PGR: variants seen among roughly 807,000 people sequenced by gnomAD.
PGR encodes progesterone receptor, also known as nuclear receptor subfamily 3 group C member 3.
Under a neutral mutation model 76.1 loss-of-function variants are expected in PGR, and 25 were observed. The observed-to-expected ratio is 0.33, with a 90% CI of 0.24 to 0.46. The LOEUF (loss-of-function observed/expected upper bound fraction) is 0.46. PGR is among the 20% of genes least tolerant of loss of function. The pLI is 1.00. For missense variants in PGR, 1,172 were observed against 1,225.3 expected, an observed-to-expected ratio of 0.96 and a Z score of 0.65; for synonymous variants, 579 against 535.0, an observed-to-expected ratio of 1.08 and a Z score of -1.14.
rs148341114 is a variant in PGR, at chr11:101,057,240, G to A, written c.2212+5207C>T. Reference sequence around the variant, plus strand: ...TCCCAGAGCAAGTGACAAGTAATGCGAATCCTGAAAGATAGTTACAGGTCA... The same window carrying A: ...TCCCAGAGCAAGTGACAAGTAATGCAAATCCTGAAAGATAGTTACAGGTCA... On this transcript the variant is annotated intron_variant, in intron 4 of 7. Transcript: ENST00000325455. 9.9e-5 allele frequency among the ~76,000 whole-genome samples: 15 copies of A among 152,282 alleles called. No homozygotes were observed. The East Asian group carries it at 1.5e-3, about 16-fold the overall frequency.
chr11:101,030,609 G>A lies in PGR; in HGVS notation c.*8507C>T, dbSNP rs976173318. The A allele has an allele frequency of 2.7e-5, 6 of 219,450 alleles. No homozygotes were observed. The highest frequency in any genetic ancestry group is 5.8e-5 in the Admixed American group (1 of 17,198). 13.6% of individuals were successfully genotyped at this position (219,450 alleles called of 1,614,324 possible). ...CTGGTCAGTTGGAGGCAGGCATATT[G>A]CTCTGAGGAGAATTGGAATTGTTAT... On this transcript the variant is annotated 3_prime_UTR_variant, in exon 8 of 8. Coordinates refer to ENST00000325455, the MANE Select transcript of PGR (RefSeq NM_000926.4).
intron 3 of PGR, among the ~76,000 whole-genome samples, chr11:101,072,962 G>C (rs113590262): frequency 2.6e-5 from 4 of 152,180 alleles, no homozygotes; most frequent in African/African-American, 9.6e-5. Flanking sequence ...TCAGGCTCTG[G>C]ACCAAGTGGA....
chr11:101,076,842 T>C (rs1288124908), intron 3 of PGR, among the ~76,000 whole-genome samples: 2 of 149,518 alleles, frequency 1.3e-5, no homozygotes, highest in Non-Finnish European at 3.0e-5. Context: ...TTAATTCTGA[T>C]AAAAGAAGAA....
chr11:101,046,148 C>G (rs1392799529), intron 6 of PGR, among the ~76,000 whole-genome samples: 1 of 150,758 alleles, frequency 6.6e-6, no homozygotes, highest in African/African-American at 2.4e-5. Flanking sequence ...TATTTTGAGA[C>G]ATGGTCTCAC....
chr11:101,050,776 A>C (rs1860057746), intron 5 of PGR, among the ~76,000 whole-genome samples: 2 of 152,190 alleles, frequency 1.3e-5, no homozygotes, highest in Non-Finnish European at 2.9e-5. Context: ...TTCTCCTGAG[A>C]CTCAGTTTTC....
Position 101,103,987 on chromosome 11 carries a change from C to T in PGR, c.1790-12111G>A, listed in dbSNP as rs556688982. ...CTATAAAATAACAGTTTAAAAGTTG[C>T]TTTGAGGGTAAAATAATGTATATAA... On this transcript the variant is annotated intron_variant, in intron 2 of 7. Coordinates refer to ENST00000325455, the MANE Select transcript of PGR (RefSeq NM_000926.4). 6.6e-5 allele frequency among the ~76,000 whole-genome samples: 10 copies of T among 152,242 alleles called. No individual in the cohort carries two copies. In the South Asian group the frequency reaches 1.2e-3, roughly 19 times the overall value.
rs368311150 is a variant in PGR, at chr11:101,053,606, CCCT to C, written c.2213-2041_2213-2039del. Among the ~76,000 whole-genome samples the C allele has an allele frequency of 4.8e-4, 49 of 102,618 alleles. No individual in the cohort carries two copies. In the South Asian group the frequency reaches 0.01, roughly 22 times the overall value. The allele number at this position is 102,618 out of a possible 152,430, so 67.3% of individuals were successfully genotyped here. On this transcript the variant is annotated intron_variant, in intron 4 of 7. Transcript: ENST00000325455. ...TTCTCCCTTTCTTCCCTCCCCTTCT[CCCT>C]CCTTTCTTCCCTCCCCTTCTTCCTC...
intron 2 of PGR, 98 bp from the exon 3 acceptor site, chr11:101,091,974 C>A (rs1861689126): frequency 4.2e-6 from 3 of 721,666 alleles, no homozygotes; most frequent in Admixed American, 2.0e-5. Context: ...TACACATCAG[C>A]AAGTGCATGA....
intron 6 of PGR, among the ~76,000 whole-genome samples, chr11:101,044,938 C>T (rs1859816024): frequency 6.6e-6 from 1 of 152,038 alleles, no homozygotes. Flanking sequence ...AACTCCTCAC[C>T]TCAAGTGATT....
chr11:101,061,172 G>A (rs2135409271), intron 4 of PGR, among the ~76,000 whole-genome samples: 1 of 152,142 alleles, frequency 6.6e-6, no homozygotes, highest in South Asian at 2.1e-4. Flanking sequence ...ATGCTATTGG[G>A]TTATTTTTAT....
intron 3 of PGR, among the ~76,000 whole-genome samples, chr11:101,064,362 A>C (rs1252542076): frequency 9.5e-5 from 14 of 147,492 alleles, no homozygotes; most frequent in East Asian, 3.9e-4. Flanking sequence ...AAAAAAAAAA[A>C]AAAAAAAAAC....
rs937279450 is a variant in PGR at position 101,129,171 on chromosome 11, G to A, written c.-101C>T. ...TATAGGGGCAGAGGGAGGAGAAAGTGGGTGTTGAATGTGGCTGGACCGGAG... is the reference window on the plus strand; with the variant it reads ...TATAGGGGCAGAGGGAGGAGAAAGTAGGTGTTGAATGTGGCTGGACCGGAG... On this transcript the variant is annotated 5_prime_UTR_variant, in exon 1 of 8. Coordinates refer to ENST00000325455, the MANE Select transcript of PGR (RefSeq NM_000926.4). 2.7e-4 allele frequency: 245 copies of A among 895,480 alleles called. No homozygotes were observed. Among genetic ancestry groups the A allele is most frequent in the Non-Finnish European group, 3.4e-4 (224 of 651,166 alleles). The allele number at this position is 895,480 out of a possible 1,614,324, so 55.5% of individuals were successfully genotyped here.
intron 3 of PGR, among the ~76,000 whole-genome samples, chr11:101,089,142 G>T (rs1861593269): frequency 6.6e-6 from 1 of 152,014 alleles, no homozygotes; most frequent in South Asian, 2.1e-4. Context: ...ATATACCCAG[G>T]TAACAAACCT....
intron 3 of PGR, among the ~76,000 whole-genome samples, chr11:101,078,993 C>A (rs1861217446): frequency 6.6e-6 from 1 of 152,106 alleles, no homozygotes. Context: ...TAACAGTCAA[C>A]TCATTTTTGA....
chr11:101,127,825 C>T lies in PGR; in HGVS notation c.1246G>A (p.Asp416Asn), dbSNP rs1474172577. The T allele has an allele frequency of 3.8e-6, 6 of 1,577,362 alleles. No individual in the cohort carries two copies. The South Asian group carries it at 4.5e-5, about 12-fold the overall frequency. ...GGGGGCGGTGGCCCCAACGGGAAAT[C>T]CGGGAAGGCTGCGGGGTTGGCACCG... ...VAGANPAAFPDFPLGPPPPLP... is the reference protein window; with the variant it reads ...VAGANPAAFPNFPLGPPPPLP... The change falls in exon 1 of 8, where the codon GAT becomes AAT. Residue 416 changes from aspartate to asparagine, a missense_variant. This residue lies in a region of PGR where 893 missense variants were observed against 785.9 expected (regional missense o/e 1.14). Transcript: ENST00000325455.
intron 2 of PGR, among the ~76,000 whole-genome samples, chr11:101,108,641 C>G (rs1055612724): frequency 1.3e-5 from 2 of 152,204 alleles, no homozygotes; most frequent in Middle Eastern, 6.8e-3. Flanking sequence ...TTGGAGTCTG[C>G]CAGAACTGGG....
At chr11:101,068,749 C>T (rs1860812811) in intron 3 of PGR, among the ~76,000 whole-genome samples, 1 of 138,276 alleles carries the variant, frequency 7.2e-6, no homozygotes, top group Non-Finnish European at 1.6e-5. Flanking sequence ...ACAAACCTGA[C>T]CAAAAAAAAC....
In PGR at chr11:101,128,733, C is replaced by T; in HGVS notation, c.338G>A (p.Ser113Asn). 2 of 1,612,988 alleles carry T rather than the reference C, an allele frequency of 1.2e-6. No homozygotes were observed. Among genetic ancestry groups the T allele is most frequent in the Non-Finnish European group, 1.7e-6 (2 of 1,179,894 alleles). ...GGGCGCCAACAGAGTGTCCAAGACA[C>T]TGTCCAGCAGTCCGCTGTCCTTTTC... Reference protein sequence around the residue: ...PPEKDSGLLDSVLDTLLAPSG... With the variant: ...PPEKDSGLLDNVLDTLLAPSG... Residue 113 changes from serine to asparagine, a missense_variant, in exon 1 of 8, where the codon AGT (serine) becomes AAT (asparagine). Coordinates refer to ENST00000325455, the MANE Select transcript of PGR (RefSeq NM_000926.4).
chr11:101,056,233 TA>T (rs5794092), intron 4 of PGR, among the ~76,000 whole-genome samples: 18 of 149,172 alleles, frequency 1.2e-4, no homozygotes, highest in African/African-American at 3.0e-4. Flanking sequence ...TAACAAATGT[TA>T]AAAAAAAAAA....
Sources: gnomAD v4.1 joint callset for allele counts (sites outside exome capture counted in the v4.1 genomes callset) on GRCh38, gnomAD v4.1.1 for gene constraint, gnomAD v4.1.1 regional missense constraint, MANE v1.5 for transcripts, NCBI Gene and HGNC (gene_info 2026-07-23, HGNC 2026-07-21) for gene names.